The following BBS9 variants were observed in gnomAD, a reference collection of about 807,000 sequenced individuals.
BBS9 encodes the protein protein PTHB1.
Under a neutral mutation model 117.7 loss-of-function variants are expected in BBS9, and 89 were observed. The observed-to-expected ratio is 0.76, with a 90% CI of 0.64 to 0.90. The LOEUF (loss-of-function observed/expected upper bound fraction) is 0.90, where lower values mean the gene tolerates loss of function less well. Ranked by LOEUF, BBS9 falls within the 40% of genes least tolerant of loss-of-function variation. The pLI, the probability that BBS9 is intolerant of heterozygous loss-of-function variation, is 0.00. For missense variants in BBS9, 982 were observed against 1,042.2 expected (o/e 0.94, Z 0.80); for synonymous variants, 379 against 370.9 (o/e 1.02, Z -0.25).
At chr7:33,376,440 T>C (rs1299981258) in intron 17 of BBS9, among the ~76,000 whole-genome samples, 2 of 152,232 alleles carry the variant, frequency 1.3e-5, no homozygotes, top group Non-Finnish European at 2.9e-5. Context: ...ATCTAGTCTA[T>C]TGTCAATGGA....
At chr7:33,336,662 A>T (rs374354359) in intron 10 of BBS9, 40 bp downstream of exon 10, 10 of 1,331,496 alleles carry the variant, frequency 7.5e-6, no homozygotes, top group Non-Finnish European at 1.1e-5. Flanking sequence ...AGTATTCATT[A>T]TGAAATTCAT....
chr7:33,570,657 T>C (rs1263082490), intron 21 of BBS9, among the ~76,000 whole-genome samples: 1 of 152,200 alleles, frequency 6.6e-6, no homozygotes, highest in African/African-American at 2.4e-5. Flanking sequence ...ACTGTTACTT[T>C]ACAGGAGAGA....
At chr7:33,308,866 T>C (rs1808585996) in intron 9 of BBS9, among the ~76,000 whole-genome samples, 1 of 152,156 alleles carries the variant, frequency 6.6e-6, no homozygotes, top group South Asian at 2.1e-4. Flanking sequence ...CCACCAACTA[T>C]ACACATATGA....
chr7:33,506,284 G>C (rs1352837041), intron 20 of BBS9, among the ~76,000 whole-genome samples: 1 of 152,118 alleles, frequency 6.6e-6, no homozygotes, highest in Non-Finnish European at 1.5e-5. Context: ...CGTTCTGGGG[G>C]ACTTTTTGTG....
At chr7:33,180,588 C>G (rs1010145783) in intron 5 of BBS9, among the ~76,000 whole-genome samples, 6 of 152,148 alleles carry the variant, frequency 3.9e-5, no homozygotes, top group Non-Finnish European at 7.3e-5. Flanking sequence ...ATCTCCTGAC[C>G]TCGTGACCCG....
chr7:33,608,512 C>T (rs1442644832), downstream of BBS9, among the ~76,000 whole-genome samples: 2 of 152,014 alleles, frequency 1.3e-5, no homozygotes, highest in Non-Finnish European at 2.9e-5. Flanking sequence ...AGTGTACAAG[C>T]ATTTCCTTTT....
At chr7:33,160,689 G>A (rs1426102158) in intron 4 of BBS9, among the ~76,000 whole-genome samples, 1 of 152,124 alleles carries the variant, frequency 6.6e-6, no homozygotes, top group Admixed American at 6.6e-5. Flanking sequence ...CAAGAGTGGA[G>A]GGGCCCTTTT....
At chr7:33,148,583 G>A (rs1164263954) in intron 2 of BBS9, among the ~76,000 whole-genome samples, 11 of 151,692 alleles carry the variant, frequency 7.3e-5, no homozygotes, top group Admixed American at 6.6e-4. Flanking sequence ...GGCTGGTCGC[G>A]AACTCCTGAC....
chr7:33,496,354 A>C (rs1468924833), intron 19 of BBS9, among the ~76,000 whole-genome samples: 1 of 151,964 alleles, frequency 6.6e-6, no homozygotes, highest in African/African-American at 2.4e-5. Flanking sequence ...AACTACAAAA[A>C]ATTAGCTAGG....
intron 17 of BBS9, among the ~76,000 whole-genome samples, chr7:33,374,076 C>T (rs1448547304): frequency 6.6e-6 from 1 of 152,082 alleles, no homozygotes; most frequent in Admixed American, 6.5e-5. Context: ...GAGAGACAAA[C>T]AGGTAAAGAG....
intron 19 of BBS9, among the ~76,000 whole-genome samples, chr7:33,482,641 C>G (rs1842648808): frequency 6.6e-6 from 1 of 152,140 alleles, no homozygotes; most frequent in African/African-American, 2.4e-5. Context: ...TAAGAGTTAG[C>G]CTTAAATTTG....
intron 19 of BBS9, among the ~76,000 whole-genome samples, chr7:33,408,198 G>T (rs1215614233): frequency 1.3e-5 from 2 of 152,180 alleles, no homozygotes; most frequent in African/African-American, 4.8e-5. Flanking sequence ...AGACTGCTGT[G>T]CTAGCAATCA....
intron 21 of BBS9, among the ~76,000 whole-genome samples, chr7:33,577,130 G>A (rs1859039589): frequency 6.6e-6 from 1 of 151,840 alleles, no homozygotes; most frequent in African/African-American, 2.4e-5. Context: ...TACAGAATGG[G>A]AGAAAATTTT....
chr7:33,295,889 A>T (rs2128412583), intron 9 of BBS9, among the ~76,000 whole-genome samples: 1 of 152,206 alleles, frequency 6.6e-6, no homozygotes, highest in South Asian at 2.1e-4. Flanking sequence ...AAAGATAATA[A>T]AATTTTTTAT....
chr7:33,535,205 A>T (rs76565578), intron 21 of BBS9, among the ~76,000 whole-genome samples: 8 of 152,206 alleles, frequency 5.3e-5, no homozygotes, highest in African/African-American at 1.4e-4. Flanking sequence ...GACCCTGAGT[A>T]TGTTACTTTC....
chr7:33,487,056 C>CA (rs978664415), intron 19 of BBS9, among the ~76,000 whole-genome samples: 1 of 152,172 alleles, frequency 6.6e-6, no homozygotes, highest in African/African-American at 2.4e-5. Context: ...TGAAGGAAAG[C>CA]AAAAATTCTT....
chr7:33,303,532 C>CCCCCCG (rs1318034573), intron 9 of BBS9, among the ~76,000 whole-genome samples: 1 of 130,068 alleles, frequency 7.7e-6, no homozygotes, highest in African/African-American at 3.0e-5. Context: ...TCCCCCCGCC[C>CCCCCCG]CTTCTTTCTT....
At chr7:33,271,449 T>G (rs1592465) in intron 7 of BBS9, among the ~76,000 whole-genome samples, 125,978 of 152,144 alleles carry the variant, frequency 0.83, 52,207 homozygotes, top group Admixed American at 0.86. Context: ...AAGACACAAT[T>G]GTATGCTGCC....
intron 4 of BBS9, among the ~76,000 whole-genome samples, chr7:33,168,786 A>G (rs142193801): frequency 0.014 from 2,068 of 152,208 alleles, 57 homozygotes; most frequent in African/African-American, 0.048. Context: ...AACTTTCCTC[A>G]TGAAAAGCAT....
Sources: gnomAD v4.1 joint callset for allele counts (sites outside exome capture counted in the v4.1 genomes callset) on GRCh38, gnomAD v4.1.1 for gene constraint, MANE v1.5 for transcripts, NCBI Gene and HGNC (gene_info 2026-07-23, HGNC 2026-07-21) for gene names.